The following PHF24 variants were observed in gnomAD, a reference collection of about 807,000 sequenced individuals.
PHF24 encodes Galpha inhibitory interacting protein.
A neutral mutation model predicts 42.6 loss-of-function variants in PHF24; 25 were observed. The ratio of observed to expected loss-of-function variants is 0.59; its 90% CI spans 0.43 to 0.82. The LOEUF is 0.82. Ranked by LOEUF, PHF24 falls within the 40% of genes least tolerant of loss-of-function variation. The pLI is 0.00. For missense variants in PHF24, 470 were observed against 538.1 expected, an observed-to-expected ratio of 0.87 and a Z score of 1.25; for synonymous variants, 185 against 204.8, an observed-to-expected ratio of 0.90 and a Z score of 0.83.
At chr9:34,700,634 G>A in the PHF24 span, among the ~76,000 whole-genome samples, 2 of 152,104 alleles carry the variant, frequency 1.3e-5, no homozygotes, top group African/African-American at 4.8e-5. Flanking sequence ...TAGGTAGCTG[G>A]GATGAGTCTG....
At chr9:34,971,984 T>C (rs1463063904) in intron 2 of PHF24, among the ~76,000 whole-genome samples, 1 of 151,954 alleles carries the variant, frequency 6.6e-6, no homozygotes, top group Non-Finnish European at 1.5e-5. Context: ...AATTGGAAAT[T>C]TGGGAGGGAG....
chr9:34,853,696 C>T, the PHF24 span, among the ~76,000 whole-genome samples: 14 of 151,152 alleles, frequency 9.3e-5, no homozygotes, highest in East Asian at 3.9e-4. Flanking sequence ...GGCGTAGTGG[C>T]GGGTGCCTGT....
the PHF24 span, among the ~76,000 whole-genome samples, chr9:34,900,526 G>A: frequency 6.6e-6 from 1 of 152,214 alleles, no homozygotes; most frequent in Non-Finnish European, 1.5e-5. Context: ...TTGAGCCTGG[G>A]AGGTGGAGGT....
chr9:34,727,929 A>G, the PHF24 span: 4 of 1,195,090 alleles, frequency 3.3e-6, no homozygotes, highest in East Asian at 2.6e-5. Flanking sequence ...CCTCCCAGCC[A>G]TTATCTTTCT....
chr9:34,843,067 A>C, the PHF24 span, among the ~76,000 whole-genome samples: 109 of 152,322 alleles, frequency 7.2e-4, no homozygotes, highest in African/African-American at 2.4e-3. Flanking sequence ...TTTAGAAACC[A>C]ATTGAAAAGC....
At chr9:34,824,113 G>T in the PHF24 span, among the ~76,000 whole-genome samples, 1 of 152,206 alleles carries the variant, frequency 6.6e-6, no homozygotes, top group Admixed American at 6.5e-5. Flanking sequence ...GATGCTCCCA[G>T]CTTGGCAGGT....
At chr9:34,888,787 T>C in the PHF24 span, among the ~76,000 whole-genome samples, 2 of 152,208 alleles carry the variant, frequency 1.3e-5, no homozygotes, top group Admixed American at 6.5e-5. Flanking sequence ...ACTGTCGCCA[T>C]GTCCACATTC....
At chr9:34,864,293 A>C in the PHF24 span, among the ~76,000 whole-genome samples, 1 of 152,182 alleles carries the variant, frequency 6.6e-6, no homozygotes, top group African/African-American at 2.4e-5. Flanking sequence ...ATCTAAGTAC[A>C]AGAAGGTTAT....
the PHF24 span, among the ~76,000 whole-genome samples, chr9:34,850,851 G>T: frequency 6.6e-6 from 1 of 152,228 alleles, no homozygotes; most frequent in Non-Finnish European, 1.5e-5. Flanking sequence ...GTTGGAGTTT[G>T]CTAGAGGTCC....
At chr9:34,752,865 T>C in the PHF24 span, among the ~76,000 whole-genome samples, 2 of 152,176 alleles carry the variant, frequency 1.3e-5, no homozygotes, top group African/African-American at 2.4e-5. Flanking sequence ...ATCCCAGGGA[T>C]ACAAGGATGG....
the PHF24 span, chr9:34,837,330 C>T: frequency 8.3e-6 from 3 of 363,616 alleles, no homozygotes; most frequent in Middle Eastern, 1.6e-3. Context: ...AACAACCATA[C>T]TGTGAGTGAG....
chr9:34,724,170 G>A, the PHF24 span: 5 of 1,551,108 alleles, frequency 3.2e-6, no homozygotes, highest in African/African-American at 5.5e-5. Context: ...GGGCCACAGG[G>A]TTCCTCCAGG....
chr9:34,976,460 G>A, intron 4 of PHF24, 75 bp from the exon 5 acceptor site: 1 of 1,504,302 alleles, frequency 6.6e-7, no homozygotes, highest in Non-Finnish European at 9.1e-7. Context: ...GGGCCCCGAG[G>A]GTGCCCTGGA....
At chr9:34,942,181 A>G in the PHF24 span, among the ~76,000 whole-genome samples, 1 of 152,226 alleles carries the variant, frequency 6.6e-6, no homozygotes, top group South Asian at 2.1e-4. Flanking sequence ...AGCTCGCACC[A>G]CAGCCTAAAC....
At chr9:34,933,855 C>A in the PHF24 span, among the ~76,000 whole-genome samples, 1,250 of 151,676 alleles carry the variant, frequency 8.2e-3, 10 homozygotes, top group African/African-American at 0.028. Context: ...CTCACTGCAA[C>A]CTCTGCCTCC....
the PHF24 span, among the ~76,000 whole-genome samples, chr9:34,851,773 A>C: frequency 6.6e-6 from 1 of 152,186 alleles, no homozygotes; most frequent in African/African-American, 2.4e-5. Context: ...TGTCGATCAC[A>C]AGTTAACTTT....
At chr9:34,914,593 AAATCTCATTTTTCCATG>A in the PHF24 span, among the ~76,000 whole-genome samples, 2 of 152,114 alleles carry the variant, frequency 1.3e-5, no homozygotes, top group Admixed American at 1.3e-4. Flanking sequence ...TATACAACAG[AAATCTCATTTTTCCATG>A]AATCTCATGT....
chr9:34,973,426 A>G (rs938478411), intron 3 of PHF24, among the ~76,000 whole-genome samples: 1 of 152,248 alleles, frequency 6.6e-6, no homozygotes, highest in African/African-American at 2.4e-5. Flanking sequence ...CAAATTATAT[A>G]TAAATGCCTT....
chr9:34,834,771 C>A, the PHF24 span: 1 of 1,542,526 alleles, frequency 6.5e-7, no homozygotes, highest in Non-Finnish European at 8.7e-7. Flanking sequence ...AGAAATGGGA[C>A]ATTGATCTGA....
Sources: allele counts gnomAD v4.1 joint callset (sites outside exome capture counted in the v4.1 genomes callset), GRCh38; gene constraint gnomAD v4.1.1; transcripts MANE v1.5; gene names NCBI Gene and HGNC (gene_info 2026-07-23, HGNC 2026-07-21).